Variants in ADCY2 observed in about 807,000 individuals in gnomAD.
The protein encoded by ADCY2 is adenylate cyclase 2, also known as adenylate cyclase type 2.
In ADCY2, 31 loss-of-function variants were observed where a neutral mutation model predicts 125.2. That is an observed-to-expected ratio of 0.25 (90% CI 0.19 to 0.33). The LOEUF is 0.33. ADCY2 is among the 10% of genes least tolerant of loss of function. ADCY2 has a pLI of 1.00. For synonymous variants in ADCY2, 512 were observed against 548.4 expected, an observed-to-expected ratio of 0.93 and a Z score of 0.93; for missense variants, 904 against 1,418.2, an observed-to-expected ratio of 0.64 and a Z score of 5.82.
At position 7,563,369 on chromosome 5, in the gene ADCY2, G is replaced by A. The variant is rs190155166; in HGVS notation, c.570+42470G>A. ...GCATACCCTGCAAAAGAAAGCTGCT[G>A]ATCATACCCTGAGGCGCCCCTGAGT... On this transcript the variant is annotated intron_variant, in intron 3 of 24. Transcript: ENST00000338316. 4.2e-3 allele frequency among the ~76,000 whole-genome samples: 647 copies of A among 152,290 alleles called. 4 individuals are homozygous for A. The highest frequency in any genetic ancestry group is 0.015 in the African/African-American group (613 of 41,562).
At chr5:7,723,867 G>A (rs1347660978) in intron 12 of ADCY2, among the ~76,000 whole-genome samples, 1 of 121,720 alleles carries the variant, frequency 8.2e-6, no homozygotes, top group Non-Finnish European at 1.6e-5. Flanking sequence ...GTTGCAGTGA[G>A]CCGAGATCAT....
At chr5:7,533,002 A>C (rs1450239252) in intron 3 of ADCY2, among the ~76,000 whole-genome samples, 1 of 150,466 alleles carries the variant, frequency 6.6e-6, no homozygotes, top group Non-Finnish European at 1.5e-5. Flanking sequence ...GTATATAAAC[A>C]TTTGATATGT....
chr5:7,754,649 C>G (rs1742928942), intron 15 of ADCY2, among the ~76,000 whole-genome samples: 1 of 152,050 alleles, frequency 6.6e-6, no homozygotes, highest in African/African-American at 2.4e-5. Flanking sequence ...TCATTTGAAG[C>G]TCGGCTCTTC....
chr5:7,622,720 G>T (rs1362570119), intron 3 of ADCY2, among the ~76,000 whole-genome samples: 1 of 152,224 alleles, frequency 6.6e-6, no homozygotes, highest in Non-Finnish European at 1.5e-5. Context: ...GCCTCCTCTT[G>T]CTTGGGATGA....
In ADCY2 at chr5:7,649,886, G is replaced by C. The variant is rs1023450629; in HGVS notation, c.720+23570G>C. On this transcript the variant is annotated intron_variant, in intron 4 of 24. Coordinates refer to ENST00000338316, the MANE Select transcript of ADCY2 (RefSeq NM_020546.3). ...ATACTCCATTTACCCACTTTCCCAGGCCAGAACTCTAGGAGGAGCCATACT... is the reference window on the plus strand; with the variant it reads ...ATACTCCATTTACCCACTTTCCCAGCCCAGAACTCTAGGAGGAGCCATACT... Among the ~76,000 whole-genome samples, 4 of 151,928 alleles carry C rather than the reference G, an allele frequency of 2.6e-5. No homozygotes were observed. The South Asian group carries it at 8.4e-4, about 32-fold the overall frequency.
chr5:7,805,381 T>C (rs1321413874), intron 22 of ADCY2, among the ~76,000 whole-genome samples: 1 of 152,146 alleles, frequency 6.6e-6, no homozygotes, highest in Non-Finnish European at 1.5e-5. Context: ...GGAAATTTCA[T>C]TGAAAAGGTC....
chr5:7,799,970 G>C (rs1182858343), intron 20 of ADCY2: 1 of 152,234 alleles, frequency 6.6e-6, no homozygotes, highest in Admixed American at 6.5e-5. Context: ...AAATACAAAG[G>C]TAAAGTGACA....
intron 3 of ADCY2, among the ~76,000 whole-genome samples, chr5:7,614,225 G>A (rs1737674346): frequency 6.6e-6 from 1 of 152,160 alleles, no homozygotes; most frequent in African/African-American, 2.4e-5. Context: ...AGGGGGTTAT[G>A]TTGAAATATC....
chr5:7,535,462 C>T (rs2126552304), intron 3 of ADCY2, among the ~76,000 whole-genome samples: 1 of 152,304 alleles, frequency 6.6e-6, no homozygotes, highest in South Asian at 2.1e-4. Context: ...TTCAGAATCT[C>T]CAAACCAGGG....
chr5:7,433,361 A>T (rs1292255431), intron 2 of ADCY2, among the ~76,000 whole-genome samples: 2 of 152,160 alleles, frequency 1.3e-5, no homozygotes, highest in Non-Finnish European at 2.9e-5. Context: ...GCTGAGTTTT[A>T]AAAAAATTCA....
rs146924689 is a variant in ADCY2, at chr5:7,407,201, A to C, written c.211-7372A>C. 7.1e-3 allele frequency among the ~76,000 whole-genome samples: 1,080 copies of C among 152,350 alleles called. 7 individuals carry two copies. Among genetic ancestry groups the C allele is most frequent in the Non-Finnish European group, 0.012 (818 of 68,030 alleles). ...CAGCAATTTTTCCTTTCTCAAAAAGAAGAATAATTATCTCCACAGTTACTC... is the reference window on the plus strand; with the variant it reads ...CAGCAATTTTTCCTTTCTCAAAAAGCAGAATAATTATCTCCACAGTTACTC... On this transcript the variant is annotated intron_variant, in intron 1 of 24. Transcript: ENST00000338316.
At chr5:7,603,640 C>T (rs1337105236) in intron 3 of ADCY2, among the ~76,000 whole-genome samples, 1 of 152,060 alleles carries the variant, frequency 6.6e-6, no homozygotes, top group Non-Finnish European at 1.5e-5. Context: ...GGAAACTCAC[C>T]ATATGTAGGA....
intron 3 of ADCY2, among the ~76,000 whole-genome samples, chr5:7,562,470 C>G (rs1284833394): frequency 1.3e-5 from 2 of 152,086 alleles, no homozygotes; most frequent in African/African-American, 4.8e-5. Context: ...CATGACAACT[C>G]ATTGTTTAGG....
intron 22 of ADCY2, among the ~76,000 whole-genome samples, chr5:7,809,149 C>T (rs1490718070): frequency 6.6e-6 from 1 of 152,012 alleles, no homozygotes; most frequent in East Asian, 1.9e-4. Context: ...GTGGTTTGTA[C>T]CGTGTTTTGC....
intron 3 of ADCY2, among the ~76,000 whole-genome samples, chr5:7,548,102 A>G (rs1037631009): frequency 2.0e-5 from 3 of 152,228 alleles, no homozygotes; most frequent in African/African-American, 7.2e-5. Context: ...TCTGAGCGGC[A>G]TTTGTGAAAC....
chr5:7,732,800 G>T (rs1370958460), intron 14 of ADCY2, among the ~76,000 whole-genome samples: 1 of 152,150 alleles, frequency 6.6e-6, no homozygotes, highest in African/African-American at 2.4e-5. Flanking sequence ...TACCTGGAAA[G>T]GACCACTAAA....
intron 3 of ADCY2, among the ~76,000 whole-genome samples, chr5:7,560,611 T>C (rs571617611): frequency 3.9e-5 from 6 of 152,316 alleles, no homozygotes; most frequent in African/African-American, 1.4e-4. Context: ...TTGAGACTTC[T>C]GCACCAGCCT....
chr5:7,414,539 G>A (rs1739860519), intron 1 of ADCY2, 34 bp from the exon 2 acceptor site: 2 of 1,563,006 alleles, frequency 1.3e-6, no homozygotes, highest in Admixed American at 1.9e-5. Context: ...GTCTCTAAAT[G>A]GTAACTTTTC....
At chr5:7,765,698 T>C (rs536524377) in intron 16 of ADCY2, among the ~76,000 whole-genome samples, 41 of 152,284 alleles carry the variant, frequency 2.7e-4, no homozygotes, top group African/African-American at 9.6e-4. Context: ...ATAGAAACTA[T>C]AGGGAAATTT....
Sources: allele counts gnomAD v4.1 joint callset (sites outside exome capture counted in the v4.1 genomes callset), GRCh38; gene constraint gnomAD v4.1.1; transcripts MANE v1.5; gene names NCBI Gene and HGNC (gene_info 2026-07-23, HGNC 2026-07-21).